Variants in CATSPERB observed in about 807,000 individuals in gnomAD.
CATSPERB encodes the protein cation channel sperm-associated auxiliary subunit beta.
Under a neutral mutation model 128.3 loss-of-function variants are expected in CATSPERB, and 93 were observed. The ratio of observed to expected loss-of-function variants is 0.72; its 90% CI spans 0.61 to 0.86. The LOEUF is 0.86. Ranked by LOEUF, CATSPERB falls within the 40% of genes least tolerant of loss-of-function variation. The pLI is 0.00. For missense variants in CATSPERB, 1,153 were observed against 1,329.5 expected (o/e 0.87, Z 2.06); for synonymous variants, 381 against 448.8 (o/e 0.85, Z 1.91).
intron 4 of CATSPERB, 30 bp downstream of exon 4, chr14:91,723,019 A>G (rs758375614): frequency 6.9e-7 from 1 of 1,447,090 alleles, no homozygotes; most frequent in Non-Finnish European, 9.1e-7. Flanking sequence ...TGTTAATAAC[A>G]TATCACAGAG....
In CATSPERB at chr14:91,681,408, C is replaced by A. The variant is rs185131452; in HGVS notation, c.931+2469G>T. Among the ~76,000 whole-genome samples, 5 of 152,250 alleles carry A rather than the reference C, an allele frequency of 3.3e-5. No homozygotes were observed. In the East Asian group the frequency reaches 9.6e-4, roughly 29 times the overall value. On this transcript the variant is annotated intron_variant, in intron 11 of 26. Coordinates refer to ENST00000256343, the MANE Select transcript of CATSPERB (RefSeq NM_024764.4). ...AAAAACTAAAGAGAGAAGCCACACT[C>A]TAAAAAAATTGCATTGCCAAAATAT...
chr14:91,584,972 C>G (rs12884757), intron 26 of CATSPERB, among the ~76,000 whole-genome samples: 1 of 151,838 alleles, frequency 6.6e-6, no homozygotes, highest in African/African-American at 2.4e-5. Flanking sequence ...GAGGCTTTTC[C>G]GTCTTTATTT....
At chr14:91,673,170 T>C (rs904665365) in intron 12 of CATSPERB, among the ~76,000 whole-genome samples, 154 bp from the exon 13 acceptor site, 13 of 152,196 alleles carry the variant, frequency 8.5e-5, no homozygotes, top group Non-Finnish European at 1.6e-4. Flanking sequence ...TAAAACCCAC[T>C]GGTCTTTAAA....
intron 14 of CATSPERB, among the ~76,000 whole-genome samples, chr14:91,663,958 A>G (rs1267293054): frequency 6.6e-6 from 1 of 152,152 alleles, no homozygotes; most frequent in African/African-American, 2.4e-5. Flanking sequence ...ATTATCACTC[A>G]GAGTCCATAG....
In CATSPERB at chr14:91,659,893, T is replaced by A; in HGVS notation, c.1376A>T (p.Tyr459Phe). 1 of 1,603,160 alleles carries A rather than the reference T, an allele frequency of 6.2e-7. No homozygotes were observed. The highest frequency in any genetic ancestry group is 1.3e-5 in the African/African-American group (1 of 74,230). The stretch of plus-strand genomic sequence containing the variant: ...AGAAACAAAAGTAATAGCTGATGTA[T>A]AAAAACTATGAAAAGTCTTCTTTAT... Reference protein sequence around the residue: ...DIIKKTFHSFYTSAITFVSQR... With the variant: ...DIIKKTFHSFFTSAITFVSQR... The change falls in exon 15 of 27, where the codon TAT (tyrosine) becomes TTT (phenylalanine). Residue 459 changes from tyrosine to phenylalanine, a missense_variant. Physicochemically the swap from Tyr to Phe is conservative, Grantham distance 22. Transcript: ENST00000256343.
chr14:91,700,548 T>C (rs1045073187), intron 7 of CATSPERB, among the ~76,000 whole-genome samples: 3 of 152,146 alleles, frequency 2.0e-5, no homozygotes, highest in Non-Finnish European at 4.4e-5. Context: ...AGGGCTTTTT[T>C]TTGTTCATAG....
At chr14:91,727,584 T>G (rs1428505220) in intron 2 of CATSPERB, among the ~76,000 whole-genome samples, 1 of 152,234 alleles carries the variant, frequency 6.6e-6, no homozygotes, top group Non-Finnish European at 1.5e-5. Flanking sequence ...TACTTTCAAC[T>G]TATGCAGTCA....
chr14:91,702,054 T>C (rs1221315903), intron 7 of CATSPERB, among the ~76,000 whole-genome samples: 1 of 152,080 alleles, frequency 6.6e-6, no homozygotes, highest in African/African-American at 2.4e-5. Flanking sequence ...TTTGTTTTCT[T>C]GAGAGGTTGA....
intron 5 of CATSPERB, among the ~76,000 whole-genome samples, chr14:91,718,333 C>CT (rs1233629176): frequency 1.3e-5 from 2 of 152,148 alleles, no homozygotes; most frequent in African/African-American, 4.8e-5. Context: ...CTATTGCAGA[C>CT]TTTTATCTTT....
chr14:91,656,611 C>T (rs1451161874), intron 15 of CATSPERB, among the ~76,000 whole-genome samples: 2 of 151,880 alleles, frequency 1.3e-5, no homozygotes. Flanking sequence ...GAGAAGACCA[C>T]AAAACAATCA....
At chr14:91,682,652 T>A (rs1261210947) in intron 11 of CATSPERB, among the ~76,000 whole-genome samples, 1 of 152,156 alleles carries the variant, frequency 6.6e-6, no homozygotes, top group Non-Finnish European at 1.5e-5. Context: ...TCCTGTTCCA[T>A]CTAGACTCTG....
At chr14:91,640,951 C>T (rs1264776947) in intron 15 of CATSPERB, among the ~76,000 whole-genome samples, 1 of 151,480 alleles carries the variant, frequency 6.6e-6, no homozygotes, top group East Asian at 2.0e-4. Flanking sequence ...GATGGTATCT[C>T]ATAGTGGTTT....
chr14:91,716,712 T>TACACAC (rs34934524), intron 5 of CATSPERB, among the ~76,000 whole-genome samples: 3,121 of 137,586 alleles, frequency 0.023, 58 homozygotes, highest in East Asian at 0.079. Context: ...TTTACAAGCA[T>TACACAC]ACACACACAC....
chr14:91,624,582 G>A (rs777678499), intron 18 of CATSPERB, among the ~76,000 whole-genome samples: 20 of 151,868 alleles, frequency 1.3e-4, no homozygotes, highest in South Asian at 2.1e-4. Context: ...CAGAGGTTGC[G>A]GTGAGTCGAG....
At chr14:91,721,533 C>T (rs532966527) in intron 4 of CATSPERB, among the ~76,000 whole-genome samples, 1 of 152,070 alleles carries the variant, frequency 6.6e-6, no homozygotes, top group South Asian at 2.1e-4. Context: ...CACTTTATAC[C>T]TACTAGGATG....
intron 17 of CATSPERB, among the ~76,000 whole-genome samples, chr14:91,626,482 T>G (rs140207916): frequency 2.0e-5 from 3 of 149,338 alleles, no homozygotes; most frequent in African/African-American, 7.4e-5. Context: ...GATTAGATCA[T>G]GAGGCTTTGC....
chr14:91,689,666 C>T (rs567887635), intron 10 of CATSPERB, among the ~76,000 whole-genome samples: 2 of 152,150 alleles, frequency 1.3e-5, no homozygotes, highest in African/African-American at 4.8e-5. Flanking sequence ...CTTTATCTCT[C>T]CTCTCCTTTC....
At chr14:91,694,797 T>G (rs1327762985) in intron 7 of CATSPERB, among the ~76,000 whole-genome samples, 1 of 152,168 alleles carries the variant, frequency 6.6e-6, no homozygotes, top group Non-Finnish European at 1.5e-5. Context: ...CACCTTTTCT[T>G]GGTCATAGGT....
intron 11 of CATSPERB, among the ~76,000 whole-genome samples, chr14:91,676,140 G>T (rs1020481033): frequency 6.6e-6 from 1 of 152,168 alleles, no homozygotes; most frequent in Non-Finnish European, 1.5e-5. Context: ...CCAGTCATTA[G>T]ACTGTTGGGG....
Sources: gnomAD v4.1 joint callset for allele counts (sites outside exome capture counted in the v4.1 genomes callset) on GRCh38, gnomAD v4.1.1 for gene constraint, MANE v1.5 for transcripts, NCBI Gene and HGNC (gene_info 2026-07-23, HGNC 2026-07-21) for gene names.